The following FSTL4 variants were observed in gnomAD, a reference collection of about 807,000 sequenced individuals.
FSTL4 encodes the protein follistatin-related protein 4.
FSTL4 carries 28 observed loss-of-function variants against 78.2 expected under a neutral mutation model. The ratio of observed to expected loss-of-function variants is 0.36; its 90% confidence interval spans 0.27 to 0.49. The LOEUF is 0.49. Ranked by LOEUF, FSTL4 falls within the 20% of genes least tolerant of loss-of-function variation. The pLI is 0.98. For synonymous variants in FSTL4, 422 were observed against 440.5 expected, an observed-to-expected ratio of 0.96 and a Z score of 0.53; for missense variants, 922 against 1,084.9, an observed-to-expected ratio of 0.85 and a Z score of 2.11.
At chr5:133,573,983 A>G (rs1247044281) in intron 2 of FSTL4, among the ~76,000 whole-genome samples, 1 of 152,236 alleles carries the variant, frequency 6.6e-6, no homozygotes, top group African/African-American at 2.4e-5. Flanking sequence ...CTTTAAATAC[A>G]TAGGTGAAAA....
At chr5:133,220,606 T>C in intron 12 of FSTL4, 142 bp downstream of exon 12, 1 of 672,474 alleles carries the variant, frequency 1.5e-6, no homozygotes, top group African/African-American at 1.8e-5. Flanking sequence ...TCTATTCCTC[T>C]CTTAGCCTGG....
At chr5:133,437,935 G>A (rs1295073069) in intron 3 of FSTL4, among the ~76,000 whole-genome samples, 1 of 150,640 alleles carries the variant, frequency 6.6e-6, no homozygotes, top group Admixed American at 6.6e-5. Context: ...TATTATTATT[G>A]TCTTCAGCTT....
intron 4 of FSTL4, among the ~76,000 whole-genome samples, chr5:133,370,999 C>T (rs1204165264): frequency 6.6e-6 from 1 of 152,192 alleles, no homozygotes; most frequent in Non-Finnish European, 1.5e-5. Flanking sequence ...GCTTGGACAT[C>T]AGGCCTGTGA....
Position 133,199,716 on chromosome 5 carries a change from G to C in FSTL4, c.1908C>G (p.Gly636=). Residue 636 remains glycine, a synonymous_variant, in exon 16 of 16, where the codon GGC becomes GGG. Transcript: ENST00000265342. The surrounding 1 kb of genome is among the most constrained non-coding windows in gnomAD (Gnocchi z 4.4). ...GGGGCACGCAGCCATGGTGGTGCAG[G>C]CCGATGGTCTTGAGGGGCATCATTG... The part of the protein sequence containing the change: ...LETMMPLKTI[G]LHHHGCVPQA... 6.2e-7 allele frequency: 1 copy of C among 1,612,276 alleles called. No individual in the cohort carries two copies. Among genetic ancestry groups the C allele is most frequent in the South Asian group, 1.1e-5 (1 of 90,790 alleles).
chr5:133,616,321 C>CTATT (rs1336557498), upstream of FSTL4, among the ~76,000 whole-genome samples: 25 of 151,142 alleles, frequency 1.7e-4, no homozygotes, highest in East Asian at 4.5e-3. Context: ...ATCTATCTAT[C>CTATT]TATCTATCTA....
the FSTL4 span, among the ~76,000 whole-genome samples, chr5:133,637,263 A>G: frequency 1.3e-5 from 2 of 151,908 alleles, no homozygotes; most frequent in South Asian, 2.1e-4. Flanking sequence ...CCTACTCCAA[A>G]CAGGCTTTCA....
intron 4 of FSTL4, chr5:133,387,891 G>A (rs1012908325): frequency 2.0e-5 from 3 of 152,124 alleles, no homozygotes; most frequent in African/African-American, 7.2e-5. Context: ...ATGGTCTCTG[G>A]ATACACCAGT....
intron 3 of FSTL4, among the ~76,000 whole-genome samples, chr5:133,469,749 A>G (rs1757781879): frequency 6.6e-6 from 1 of 152,134 alleles, no homozygotes; most frequent in Non-Finnish European, 1.5e-5. Context: ...AAGGGATTTA[A>G]GTACATTTCC....
intron 2 of FSTL4, among the ~76,000 whole-genome samples, 175 bp downstream of exon 2, chr5:133,603,683 C>T (rs1374934774): frequency 6.6e-6 from 1 of 152,186 alleles, no homozygotes; most frequent in Non-Finnish European, 1.5e-5. Context: ...GTGTTATCAA[C>T]CTCTTGTCTG....
chr5:133,397,545 G>C (rs1164508957), intron 4 of FSTL4, among the ~76,000 whole-genome samples: 1 of 152,234 alleles, frequency 6.6e-6, no homozygotes, highest in Non-Finnish European at 1.5e-5. Context: ...TGTGATACCA[G>C]AAGTTTTCTT....
At chr5:133,288,714 A>G (rs561920681) in intron 6 of FSTL4, among the ~76,000 whole-genome samples, 138 of 152,308 alleles carry the variant, frequency 9.1e-4, no homozygotes, top group African/African-American at 3.2e-3. Flanking sequence ...GGTAGACCCA[A>G]GGCCCCAAGG....
intron 4 of FSTL4, among the ~76,000 whole-genome samples, chr5:133,362,498 C>G (rs1386474249): frequency 6.6e-6 from 1 of 151,934 alleles, no homozygotes; most frequent in Non-Finnish European, 1.5e-5. Context: ...CCTTTGTTCA[C>G]TTGCGTTTTT....
chr5:133,700,266 C>T, the FSTL4 span, among the ~76,000 whole-genome samples: 6 of 149,268 alleles, frequency 4.0e-5, no homozygotes, highest in East Asian at 1.2e-3. Context: ...GCCACCACAC[C>T]AAACCATCAC....
chr5:133,731,207 T>C, the FSTL4 span, among the ~76,000 whole-genome samples: 2 of 152,104 alleles, frequency 1.3e-5, no homozygotes, highest in Non-Finnish European at 2.9e-5. Context: ...AAGTCATCTG[T>C]GTCCATGGAA....
chr5:133,786,413 A>G, the FSTL4 span, among the ~76,000 whole-genome samples: 3 of 152,216 alleles, frequency 2.0e-5, no homozygotes, highest in East Asian at 1.9e-4. Flanking sequence ...TAATTTATCT[A>G]CCTCCTAAAA....
intron 6 of FSTL4, among the ~76,000 whole-genome samples, chr5:133,293,130 C>T (rs980369325): frequency 2.0e-5 from 3 of 152,240 alleles, no homozygotes; most frequent in Non-Finnish European, 2.9e-5. Flanking sequence ...CCTTCCGGCA[C>T]CCCCAGAGCT....
At chr5:133,336,241 T>C (rs1273217953) in intron 4 of FSTL4, among the ~76,000 whole-genome samples, 1 of 151,844 alleles carries the variant, frequency 6.6e-6, no homozygotes, top group African/African-American at 2.4e-5. Context: ...GAGGCAAGGG[T>C]GGGGTGGGGA....
intron 14 of FSTL4, among the ~76,000 whole-genome samples, chr5:133,204,586 C>T (rs1198818679): frequency 1.3e-5 from 2 of 152,086 alleles, no homozygotes; most frequent in African/African-American, 2.4e-5. Context: ...AATCCCAGTA[C>T]TTTGGGAAGC....
chr5:133,231,410 T>G (rs901396437), intron 8 of FSTL4, among the ~76,000 whole-genome samples: 9 of 152,080 alleles, frequency 5.9e-5, no homozygotes, highest in African/African-American at 1.9e-4. Flanking sequence ...CCAGGAAAGG[T>G]GGAGACCAAG....
Sources: gnomAD v4.1 joint callset for allele counts (sites outside exome capture counted in the v4.1 genomes callset) on GRCh38, gnomAD v4.1.1 for gene constraint, Gnocchi (gnomAD v3.1) non-coding constraint, MANE v1.5 for transcripts, NCBI Gene and HGNC (gene_info 2026-07-23, HGNC 2026-07-21) for gene names.